NALCN: variants seen among roughly 807,000 people sequenced by gnomAD.
NALCN encodes the protein sodium leak channel NALCN.
Under a neutral mutation model 225.3 loss-of-function variants are expected in NALCN, and 111 were observed. That is an observed-to-expected ratio of 0.49 (90% CI 0.42 to 0.58). The LOEUF (loss-of-function observed/expected upper bound fraction) is 0.58, where lower values mean the gene tolerates loss of function less well. Among genes scored for constraint, NALCN ranks in the 20% least tolerant of loss-of-function variants. NALCN has a pLI of 0.00. For missense variants in NALCN, 1,378 were observed against 2,202.4 expected (o/e 0.63, Z 7.49); for synonymous variants, 764 against 769.0 (o/e 0.99, Z 0.11).
intron 37 of NALCN, among the ~76,000 whole-genome samples, chr13:101,070,094 T>C (rs1311071245): frequency 1.0e-5 from 1 of 99,524 alleles, no homozygotes; most frequent in African/African-American, 3.7e-5. Flanking sequence ...TGAGACGGAG[T>C]CTCACTCTGT....
chr13:101,060,275 G>GTTTTTT (rs771531599), intron 41 of NALCN, among the ~76,000 whole-genome samples: 1,802 of 79,732 alleles, frequency 0.023, 281 homozygotes, highest in African/African-American at 0.045. Context: ...GGTGTTTTCT[G>GTTTTTT]TTTTTTTTTT....
chr13:101,245,504 A>G (rs1342206280), intron 11 of NALCN, among the ~76,000 whole-genome samples: 1 of 152,032 alleles, frequency 6.6e-6, no homozygotes, highest in Admixed American at 6.6e-5. Context: ...ATCTTTTTAC[A>G]TACTCTACTT....
intron 6 of NALCN, among the ~76,000 whole-genome samples, chr13:101,358,309 C>T (rs1190419345): frequency 6.6e-6 from 1 of 151,940 alleles, no homozygotes; most frequent in Admixed American, 6.6e-5. Context: ...TGACAAAGGT[C>T]TAATATCCAC....
At chr13:101,298,094 G>A (rs1339617617) in intron 7 of NALCN, among the ~76,000 whole-genome samples, 4 of 152,164 alleles carry the variant, frequency 2.6e-5, no homozygotes, top group East Asian at 1.9e-4. Flanking sequence ...AGATTTAACT[G>A]TGGAAGTGTA....
intron 6 of NALCN, among the ~76,000 whole-genome samples, chr13:101,374,255 C>T (rs897077063): frequency 2.7e-5 from 4 of 150,414 alleles, no homozygotes; most frequent in Admixed American, 1.3e-4. Context: ...TTCTGTGAAC[C>T]TAAGGTAAAT....
At chr13:101,313,516 A>G (rs2139157478) in intron 7 of NALCN, among the ~76,000 whole-genome samples, 1 of 152,336 alleles carries the variant, frequency 6.6e-6, no homozygotes, top group Non-Finnish European at 1.5e-5. Context: ...GGTGAAGGAT[A>G]TGAACAGACA....
chr13:101,387,738 G>C (rs938589841), intron 3 of NALCN, among the ~76,000 whole-genome samples: 2 of 152,122 alleles, frequency 1.3e-5, no homozygotes, highest in African/African-American at 4.8e-5. Flanking sequence ...ACTCAAACTT[G>C]AGTAATATGA....
At chr13:101,076,537 C>T (rs1229354981) in intron 34 of NALCN, among the ~76,000 whole-genome samples, 3 of 152,198 alleles carry the variant, frequency 2.0e-5, no homozygotes, top group African/African-American at 7.2e-5. Flanking sequence ...GCAATAACAA[C>T]CTTGACATTC....
At chr13:101,156,585 C>T (rs191388915) in intron 15 of NALCN, among the ~76,000 whole-genome samples, 40 of 152,100 alleles carry the variant, frequency 2.6e-4, no homozygotes, top group African/African-American at 9.2e-4. Context: ...TTAAAATAAG[C>T]TGAGTTCTTA....
intron 42 of NALCN, 150 bp downstream of exon 42, chr13:101,059,668 C>G: frequency 1.5e-6 from 1 of 673,828 alleles, no homozygotes; most frequent in Non-Finnish European, 2.3e-6. Context: ...AATGGATTTC[C>G]GTTGCCTTTT....
chr13:101,380,164 A>G (rs1232163312), intron 3 of NALCN, among the ~76,000 whole-genome samples: 1 of 152,136 alleles, frequency 6.6e-6, no homozygotes, highest in Non-Finnish European at 1.5e-5. Flanking sequence ...TCTCTCAGAA[A>G]ATGCAAAATA....
At chr13:101,397,107 T>C (rs866575277) in intron 2 of NALCN, among the ~76,000 whole-genome samples, 8,026 of 83,306 alleles carry the variant, frequency 0.096, 1,078 homozygotes, top group African/African-American at 0.37. Flanking sequence ...TATATATATA[T>C]ATACATACAC....
chr13:101,083,655 TG>T lies in NALCN; in HGVS notation c.3583+55del. The T allele has an allele frequency of 3.3e-6, 5 of 1,529,714 alleles. No individual in the cohort carries two copies. The South Asian group carries it at 4.6e-5, about 14-fold the overall frequency. 94.8% of individuals were successfully genotyped at this position (1,529,714 alleles called of 1,614,324 possible). A position where few individuals can be genotyped will look rare whatever the true frequency, so the allele number is the denominator to read the frequency against. The stretch of plus-strand genomic sequence containing the variant: ...TATTTTAATTTAAATCTGAGACTCC[TG>T]GGGAATCGTGCACACTAGTGCCCAA... On this transcript the variant is annotated intron_variant, in intron 31 of 43. Coordinates refer to ENST00000251127, the MANE Select transcript of NALCN (RefSeq NM_052867.4).
intron 7 of NALCN, among the ~76,000 whole-genome samples, chr13:101,320,089 T>C (rs1478925931): frequency 1.3e-5 from 2 of 152,352 alleles, no homozygotes; most frequent in African/African-American, 2.4e-5. Context: ...AGTTCTATTG[T>C]CCATCTTTCC....
chr13:101,101,839 T>G (rs940616747), intron 26 of NALCN, among the ~76,000 whole-genome samples: 1 of 152,078 alleles, frequency 6.6e-6, no homozygotes, highest in Non-Finnish European at 1.5e-5. Context: ...TATACCTAAG[T>G]GTACTAAAAT....
chr13:101,374,264 A>ATTTC (rs948205112), intron 6 of NALCN, among the ~76,000 whole-genome samples: 3 of 147,936 alleles, frequency 2.0e-5, no homozygotes, highest in South Asian at 2.1e-4. Flanking sequence ...CCTAAGGTAA[A>ATTTC]TTTCTTTCTT....
chr13:101,128,272 G>A (rs1372329509), intron 17 of NALCN, among the ~76,000 whole-genome samples: 1 of 152,124 alleles, frequency 6.6e-6, no homozygotes, highest in Non-Finnish European at 1.5e-5. Context: ...CTCAAAACAA[G>A]TAAATTAAAT....
intron 37 of NALCN, among the ~76,000 whole-genome samples, chr13:101,072,384 A>G (rs2032953732): frequency 6.6e-6 from 1 of 152,176 alleles, no homozygotes; most frequent in African/African-American, 2.4e-5. Flanking sequence ...TTCTTGGAAC[A>G]CTGTTATGGG....
chr13:101,262,970 G>GA (rs1455667198), intron 10 of NALCN, among the ~76,000 whole-genome samples: 3 of 152,132 alleles, frequency 2.0e-5, no homozygotes, highest in African/African-American at 7.2e-5. Context: ...AAGGTTTACA[G>GA]AAAAAAGGAA....
Sources: allele counts gnomAD v4.1 joint callset (sites outside exome capture counted in the v4.1 genomes callset), GRCh38; gene constraint gnomAD v4.1.1; transcripts MANE v1.5; gene names NCBI Gene and HGNC (gene_info 2026-07-23, HGNC 2026-07-21).